L3MBTL4: variants seen among roughly 807,000 people sequenced by gnomAD.
L3MBTL4 encodes L3MBTL histone methyl-lysine binding protein 4.
L3MBTL4 carries 70 observed loss-of-function variants against 84.5 expected under a neutral mutation model. The ratio of observed to expected loss-of-function variants is 0.83; its 90% CI spans 0.68 to 1.01. The LOEUF is 1.01. Ranked by LOEUF, L3MBTL4 falls within the 50% of genes least tolerant of loss-of-function variation. The probability of loss-of-function intolerance (pLI) is 0.00; values close to 1 mark genes in which losing one functional copy is unlikely to be tolerated. For missense variants in L3MBTL4, 715 were observed against 754.8 expected (o/e 0.95, Z 0.62); for synonymous variants, 274 against 259.8 (o/e 1.05, Z -0.52).
chr18:6,134,008 A>T (rs1414789258), intron 14 of L3MBTL4, among the ~76,000 whole-genome samples: 1 of 152,198 alleles, frequency 6.6e-6, no homozygotes, highest in East Asian at 1.9e-4. Context: ...TGATAAAGAC[A>T]TACCCGAGAC....
intron 5 of L3MBTL4, among the ~76,000 whole-genome samples, chr18:6,262,076 C>A (rs1295920929): frequency 2.0e-5 from 3 of 152,174 alleles, no homozygotes; most frequent in African/African-American, 7.2e-5. Flanking sequence ...GCAAACCTCA[C>A]CTATGTTCTT....
chr18:6,243,453 C>T, intron 6 of L3MBTL4, 24 bp from the exon 7 acceptor site: 1 of 1,562,372 alleles, frequency 6.4e-7, no homozygotes, highest in Non-Finnish European at 8.7e-7. Context: ...AGTTTACAAT[C>T]ATTCGTTAAG....
chr18:6,155,035 G>C (rs1247109819), intron 13 of L3MBTL4, among the ~76,000 whole-genome samples: 1 of 152,108 alleles, frequency 6.6e-6, no homozygotes, highest in Non-Finnish European at 1.5e-5. Context: ...CTTTTACTCT[G>C]TTTTATAATT....
At chr18:6,198,061 A>G (rs1000842950) in intron 12 of L3MBTL4, among the ~76,000 whole-genome samples, 2 of 152,140 alleles carry the variant, frequency 1.3e-5, no homozygotes, top group African/African-American at 4.8e-5. Flanking sequence ...GTGATTGCCT[A>G]AGCTAATCTA....
At chr18:6,001,787 A>T (rs2054226111) in intron 16 of L3MBTL4, among the ~76,000 whole-genome samples, 1 of 152,198 alleles carries the variant, frequency 6.6e-6, no homozygotes, top group Admixed American at 6.5e-5. Flanking sequence ...AGTCTAAGGG[A>T]TCTGTAGGAC....
chr18:6,174,240 G>T (rs769706329), intron 12 of L3MBTL4, among the ~76,000 whole-genome samples: 1 of 151,910 alleles, frequency 6.6e-6, no homozygotes, highest in Non-Finnish European at 1.5e-5. Context: ...ATGATTGTGA[G>T]CCATACTCAA....
intron 16 of L3MBTL4, among the ~76,000 whole-genome samples, chr18:6,068,422 G>T (rs887657122): frequency 7.2e-5 from 11 of 152,166 alleles, no homozygotes; most frequent in Non-Finnish European, 1.2e-4. Context: ...GGTTTTATCA[G>T]AGTGAAGGGT....
At chr18:6,278,150 T>C (rs771515474) in intron 4 of L3MBTL4, among the ~76,000 whole-genome samples, 1 of 152,162 alleles carries the variant, frequency 6.6e-6, no homozygotes, top group Admixed American at 6.5e-5. Context: ...ATATTAATGA[T>C]GATAGTGGTA....
intron 14 of L3MBTL4, among the ~76,000 whole-genome samples, chr18:6,121,156 A>G (rs370045367): frequency 5.9e-5 from 9 of 152,320 alleles, no homozygotes; most frequent in East Asian, 3.9e-4. Flanking sequence ...ACTGAGGTCA[A>G]TGCCACTGTA....
intron 14 of L3MBTL4, among the ~76,000 whole-genome samples, chr18:6,129,052 C>A (rs1297705464): frequency 6.6e-6 from 1 of 152,072 alleles, no homozygotes; most frequent in Non-Finnish European, 1.5e-5. Context: ...ATGGGAAAGG[C>A]TACTTCCAAG....
At chr18:6,124,447 T>A (rs2059624366) in intron 14 of L3MBTL4, among the ~76,000 whole-genome samples, 1 of 148,058 alleles carries the variant, frequency 6.8e-6, no homozygotes, top group Admixed American at 6.8e-5. Context: ...TATATATGTA[T>A]ATATAAAAAT....
chr18:6,131,074 G>A (rs921293379), intron 14 of L3MBTL4, among the ~76,000 whole-genome samples: 1 of 152,154 alleles, frequency 6.6e-6, no homozygotes, highest in Non-Finnish European at 1.5e-5. Flanking sequence ...GCAATATTTT[G>A]ATGTCATCGT....
chr18:6,383,681 A>C (rs539813650), intron 1 of L3MBTL4, among the ~76,000 whole-genome samples: 13 of 152,292 alleles, frequency 8.5e-5, no homozygotes, highest in African/African-American at 2.6e-4. Flanking sequence ...TGGGTACCTC[A>C]GTTGGAAATG....
chr18:6,094,158 T>A lies in L3MBTL4; in HGVS notation c.1200-630A>T, dbSNP rs187997744. ...AGTCCTGGATGTTATCAGAACCCAA[T>A]AGCAGGCTATGGGCAGAAGGATCTG... On this transcript the variant is annotated intron_variant, in intron 14 of 18. Transcript: ENST00000317931. Among the ~76,000 whole-genome samples the A allele has an allele frequency of 6.6e-3, 1,005 of 152,266 alleles. 43 individuals are homozygous for A. Among genetic ancestry groups the A allele is most frequent in the Admixed American group, 0.057 (879 of 15,296 alleles).
chr18:6,014,788 C>T (rs892514186), intron 16 of L3MBTL4, among the ~76,000 whole-genome samples: 1 of 152,118 alleles, frequency 6.6e-6, no homozygotes, highest in Admixed American at 6.5e-5. Context: ...TGGCGAGCTT[C>T]AAGCAGAAAC....
intron 10 of L3MBTL4, among the ~76,000 whole-genome samples, chr18:6,217,154 G>A (rs549727626): frequency 1.3e-5 from 2 of 152,042 alleles, no homozygotes; most frequent in South Asian, 4.2e-4. Flanking sequence ...TTAAAGGAAA[G>A]TACACAAATC....
chr18:6,002,587 G>A (rs1598406544), intron 16 of L3MBTL4, among the ~76,000 whole-genome samples: 1 of 152,140 alleles, frequency 6.6e-6, no homozygotes, highest in African/African-American at 2.4e-5. Flanking sequence ...ATTTTTGTAT[G>A]CTATTGAAAT....
At chr18:6,275,257 A>G (rs1398827713) in intron 4 of L3MBTL4, among the ~76,000 whole-genome samples, 1 of 152,194 alleles carries the variant, frequency 6.6e-6, no homozygotes, top group Non-Finnish European at 1.5e-5. Flanking sequence ...AAGGATAGTG[A>G]GAAGGGGCAG....
intron 16 of L3MBTL4, among the ~76,000 whole-genome samples, chr18:6,059,691 T>C (rs2057141616): frequency 6.6e-6 from 1 of 152,200 alleles, no homozygotes; most frequent in Non-Finnish European, 1.5e-5. Context: ...CCAAGAATCT[T>C]CTTCTCACTT....
Sources: allele counts gnomAD v4.1 joint callset (sites outside exome capture counted in the v4.1 genomes callset), GRCh38; gene constraint gnomAD v4.1.1; transcripts MANE v1.5; gene names NCBI Gene and HGNC (gene_info 2026-07-23, HGNC 2026-07-21).